Variants in KALRN observed in about 807,000 individuals in gnomAD.
KALRN encodes kalirin RhoGEF kinase, also known as kalirin.
Under a neutral mutation model 353.7 loss-of-function variants are expected in KALRN, and 70 were observed. The observed-to-expected ratio is 0.20, with a 90% CI of 0.16 to 0.24. The LOEUF is 0.24. Ranked by LOEUF, KALRN falls within the 10% of genes least tolerant of loss-of-function variation. The pLI is 1.00. For missense variants in KALRN, 2,791 were observed against 3,756.7 expected (o/e 0.74, Z 6.72); for synonymous variants, 1,391 against 1,434.8 (o/e 0.97, Z 0.69).
intron 23 of KALRN, among the ~76,000 whole-genome samples, chr3:124,460,500 C>T (rs2059746122): frequency 6.6e-6 from 1 of 152,150 alleles, no homozygotes; most frequent in Non-Finnish European, 1.5e-5. Flanking sequence ...TCTCAAAGGC[C>T]GTCAGTTTAT....
chr3:124,594,828 C>T (rs918624169), intron 34 of KALRN, among the ~76,000 whole-genome samples: 17 of 152,158 alleles, frequency 1.1e-4, no homozygotes, highest in African/African-American at 3.6e-4. Context: ...TCAGGATTTA[C>T]CCCTCCCCTC....
intron 34 of KALRN, among the ~76,000 whole-genome samples, chr3:124,567,451 T>G (rs2072995243): frequency 6.6e-6 from 1 of 152,164 alleles, no homozygotes; most frequent in Non-Finnish European, 1.5e-5. Flanking sequence ...AGTCTTGGTG[T>G]CATTCATGAT....
At position 124,439,025 on chromosome 3, in the gene KALRN, G is replaced by A; in HGVS notation, c.3186G>A (p.Glu1062=). 6.2e-7 allele frequency: 1 copy of A among 1,614,110 alleles called. No homozygotes were observed. The highest frequency in any genetic ancestry group is 8.5e-7 in the Non-Finnish European group (1 of 1,180,012). The change falls in exon 18 of 60, where the codon GAG becomes GAA. Residue 1062 remains glutamate (E), a synonymous_variant. Coordinates refer to ENST00000682506, the MANE Select transcript of KALRN (RefSeq NM_001388419.1). The part of the protein sequence containing the change: ...PLISKHLEQK[E]AFLKACTLAR... Reference sequence around the variant, plus strand: ...TCAGCAAACATTTGGAACAAAAGGAGGCCTTTCTTAAGGTCAGAGCACATT... The same window carrying A: ...TCAGCAAACATTTGGAACAAAAGGAAGCCTTTCTTAAGGTCAGAGCACATT...
At chr3:124,657,700 T>C in intron 40 of KALRN, 34 bp from the exon 41 acceptor site, 2 of 1,517,896 alleles carry the variant, frequency 1.3e-6, no homozygotes, top group Non-Finnish European at 1.8e-6. Flanking sequence ...CTGAATAATG[T>C]GGCTTCCTTC....
intron 14 of KALRN, among the ~76,000 whole-genome samples, chr3:124,414,185 C>T (rs1373903671): frequency 6.6e-6 from 1 of 152,090 alleles, no homozygotes; most frequent in Non-Finnish European, 1.5e-5. Context: ...GGGAATAGGG[C>T]CAGGGTTTCC....
chr3:124,641,096 T>C (rs2081994665), intron 37 of KALRN, among the ~76,000 whole-genome samples: 1 of 152,130 alleles, frequency 6.6e-6, no homozygotes, highest in Admixed American at 6.5e-5. Context: ...TGCTTTATGG[T>C]CACTTGGTCA....
At position 124,205,779 on chromosome 3, in the gene KALRN, G is replaced by T. The variant is rs112061849; in HGVS notation, c.74-22211G>T. Among the ~76,000 whole-genome samples, 1,005 of 152,216 alleles carry T rather than the reference G, an allele frequency of 6.6e-3. 10 individuals are homozygous for T. The highest frequency in any genetic ancestry group is 0.023 in the African/African-American group (954 of 41,520). ...TCTAAAATTTACCTGATACTTTCACGTGTGTTTGTAAGAGGTGTGAGAGTG... is the reference window on the plus strand; with the variant it reads ...TCTAAAATTTACCTGATACTTTCACTTGTGTTTGTAAGAGGTGTGAGAGTG... On this transcript the variant is annotated intron_variant, in intron 1 of 59. Coordinates refer to ENST00000682506, the MANE Select transcript of KALRN (RefSeq NM_001388419.1).
intron 26 of KALRN, among the ~76,000 whole-genome samples, chr3:124,475,870 C>G (rs895839032): frequency 6.6e-6 from 1 of 152,010 alleles, no homozygotes; most frequent in Non-Finnish European, 1.5e-5. Context: ...ATTTTCTACC[C>G]CTAAATATAT....
At chr3:124,715,999 A>G (rs1305292773) in intron 58 of KALRN, among the ~76,000 whole-genome samples, 1 of 151,942 alleles carries the variant, frequency 6.6e-6, no homozygotes, top group Non-Finnish European at 1.5e-5. Context: ...ATTATATTAT[A>G]TTAATATAAT....
intron 10 of KALRN, among the ~76,000 whole-genome samples, chr3:124,379,397 C>T (rs756693427): frequency 2.2e-4 from 34 of 152,078 alleles, no homozygotes; most frequent in Middle Eastern, 3.4e-3. Context: ...ATTATGTGCA[C>T]GCCTGGTAAT....
In KALRN at chr3:124,573,668, T is replaced by C. The variant is rs1036480256; in HGVS notation, c.5182+10579T>C. ...ACAAGTGCGAGCCATTGTGCCTCCA[T>C]AGGTTTTCAGAGGCCCCAGCACAAC... is the stretch of plus-strand genomic sequence containing the variant. On this transcript the variant is annotated intron_variant, in intron 34 of 59. Coordinates refer to ENST00000682506, the MANE Select transcript of KALRN (RefSeq NM_001388419.1). Among the ~76,000 whole-genome samples, 7 of 152,184 alleles carry C rather than the reference T, an allele frequency of 4.6e-5. No homozygotes were observed. The South Asian group carries it at 6.2e-4, about 14-fold the overall frequency.
rs1559896052 is a variant in KALRN, at chr3:124,721,963, A to G, written c.*2493A>G. 1 of 152,252 alleles carries G rather than the reference A, an allele frequency of 6.6e-6. No individual in the cohort carries two copies. Among genetic ancestry groups the G allele is most frequent in the Non-Finnish European group, 1.5e-5 (1 of 68,076 alleles). The allele number at this position is 152,252 out of a possible 1,614,324, so 9.4% of individuals were successfully genotyped here. ...ATAAGAGCAAAATTCTGTCTCGAAA[A>G]AAAAGGAAAGCCTGGCCCATAGGGT... On this transcript the variant is annotated 3_prime_UTR_variant, in exon 60 of 60. Coordinates refer to ENST00000682506, the MANE Select transcript of KALRN (RefSeq NM_001388419.1).
chr3:124,556,554 A>G (rs991186778), intron 33 of KALRN, among the ~76,000 whole-genome samples: 1 of 152,240 alleles, frequency 6.6e-6, no homozygotes. Flanking sequence ...CTAAAGCATC[A>G]TCAGCAATTT....
At chr3:124,058,363 T>C (rs2041733757) in intron 1 of KALRN, among the ~76,000 whole-genome samples, 1 of 152,224 alleles carries the variant, frequency 6.6e-6, no homozygotes, top group Non-Finnish European at 1.5e-5. Flanking sequence ...GCTGATGCCC[T>C]ATCTTTGTGT....
At chr3:124,641,004 G>T (rs1413734730) in intron 37 of KALRN, among the ~76,000 whole-genome samples, 2 of 152,102 alleles carry the variant, frequency 1.3e-5, no homozygotes, top group Non-Finnish European at 2.9e-5. Flanking sequence ...ACGGAATTCT[G>T]CTTTAGAATT....
chr3:124,459,043 C>G (rs996928110), intron 23 of KALRN, among the ~76,000 whole-genome samples: 5 of 152,182 alleles, frequency 3.3e-5, no homozygotes, highest in Non-Finnish European at 7.3e-5. Context: ...CAAATAAGGA[C>G]TGTAACATCA....
At chr3:124,107,776 TAGAC>T (rs1351610180) in intron 1 of KALRN, among the ~76,000 whole-genome samples, 22 of 151,998 alleles carry the variant, frequency 1.4e-4, no homozygotes, top group Non-Finnish European at 4.4e-5. Context: ...AGGGAGGAGG[TAGAC>T]AGTGTCATCA....
Position 124,662,574 on chromosome 3 carries a change from A to C in KALRN, c.6345+646A>C, listed in dbSNP as rs538686229. On this transcript the variant is annotated intron_variant, in intron 45 of 59. Transcript: ENST00000682506. ...GAGAATGGAACACCTGTTTTTTGAGAAGGTGGTTCTGGCTTTTCAGTTAAA... is the reference window on the plus strand; with the variant it reads ...GAGAATGGAACACCTGTTTTTTGAGCAGGTGGTTCTGGCTTTTCAGTTAAA... Among the ~76,000 whole-genome samples the C allele has an allele frequency of 1.6e-4, 24 of 152,156 alleles. No homozygotes were observed. The South Asian group carries it at 5.0e-3, about 32-fold the overall frequency.
chr3:124,694,206 A>G (rs1486690751), intron 52 of KALRN, 126 bp from the exon 53 acceptor site: 1 of 896,706 alleles, frequency 1.1e-6, no homozygotes, highest in Non-Finnish European at 1.8e-6. Flanking sequence ...CACCAGTGTT[A>G]TACTGAAGGT....
Sources: gnomAD v4.1 joint callset for allele counts (sites outside exome capture counted in the v4.1 genomes callset) on GRCh38, gnomAD v4.1.1 for gene constraint, MANE v1.5 for transcripts, NCBI Gene and HGNC (gene_info 2026-07-23, HGNC 2026-07-21) for gene names.